Variants in AGTPBP1 observed in about 807,000 individuals in gnomAD.
The protein encoded by AGTPBP1 is cytosolic carboxypeptidase 1.
AGTPBP1 carries 70 observed loss-of-function variants against 143.9 expected under a neutral mutation model. That is an observed-to-expected ratio of 0.49 (90% CI 0.40 to 0.59). The LOEUF is 0.59. AGTPBP1 is among the 20% of genes least tolerant of loss of function. The pLI, the probability that AGTPBP1 is intolerant of heterozygous loss-of-function variation, is 0.00. For missense variants in AGTPBP1, 1,229 were observed against 1,464.5 expected (o/e 0.84, Z 2.62); for synonymous variants, 463 against 500.2 (o/e 0.93, Z 0.99).
chr9:85,724,828 C>A (rs180919259), intron 1 of AGTPBP1, among the ~76,000 whole-genome samples: 2 of 152,250 alleles, frequency 1.3e-5, no homozygotes, highest in Non-Finnish European at 2.9e-5. Context: ...AGAATGCCAG[C>A]ACATTGCAGG....
intron 9 of AGTPBP1, 53 bp from the exon 10 acceptor site, chr9:85,657,696 G>A (rs4531129): frequency 0.21 from 274,778 of 1,325,966 alleles, 32,685 homozygotes; most frequent in East Asian, 0.55. Context: ...GAGAGTGAGT[G>A]GTAGAATAAT....
intron 12 of AGTPBP1, among the ~76,000 whole-genome samples, chr9:85,643,511 C>A (rs1406864804): frequency 6.6e-6 from 1 of 152,070 alleles, no homozygotes; most frequent in Admixed American, 6.6e-5. Context: ...TCACACACTG[C>A]CCCAATACAG....
chr9:85,619,701 CTTAT>C (rs1830801424), intron 15 of AGTPBP1, among the ~76,000 whole-genome samples: 1 of 152,132 alleles, frequency 6.6e-6, no homozygotes. Flanking sequence ...TACCTATTAT[CTTAT>C]TTAATTAGCA....
Position 85,592,612 on chromosome 9 carries a change from T to C in AGTPBP1, c.2516A>G (p.Asp839Gly), listed in dbSNP as rs765727480. The change falls in exon 19 of 26, where the codon GAT becomes GGT. Residue 839 changes from aspartate (D) to glycine (G), a missense_variant. Transcript: ENST00000357081. ...ITFTVNFPHK[D>G]DVCYFAYHYP... ...GTGATAAGCAAAGTAGCAAACATCA[T>C]CTTTATGTGGAAAATTGACAGTAAA... 3.2e-5 allele frequency: 52 copies of C among 1,612,256 alleles called. No homozygotes were observed. Among genetic ancestry groups the C allele is most frequent in the Non-Finnish European group, 4.3e-5 (51 of 1,179,272 alleles).
chr9:85,671,038 C>G lies in AGTPBP1; in HGVS notation c.569-1460G>C. Among the ~76,000 whole-genome samples, 6 of 152,088 alleles carry G rather than the reference C, an allele frequency of 3.9e-5. 1 individual carries two copies. In the Middle Eastern group the frequency reaches 0.02, roughly 517 times the overall value. On this transcript the variant is annotated intron_variant, in intron 7 of 25. Coordinates refer to ENST00000357081, the MANE Select transcript of AGTPBP1 (RefSeq NM_001330701.2). Reference sequence around the variant, plus strand: ...CTCACTGCAGCCTTAACCTCCTGGGCTCAAGAAATCCTCCCACCTTAGCTT... The same window carrying G: ...CTCACTGCAGCCTTAACCTCCTGGGGTCAAGAAATCCTCCCACCTTAGCTT...
intron 25 of AGTPBP1, chr9:85,554,407 A>G (rs1446541612): frequency 6.6e-6 from 1 of 152,556 alleles, no homozygotes; most frequent in Non-Finnish European, 1.5e-5. Context: ...ACCAAAACAA[A>G]AAATAAACAA....
the AGTPBP1 span, among the ~76,000 whole-genome samples, chr9:85,760,977 G>C: frequency 6.6e-5 from 10 of 152,088 alleles, no homozygotes; most frequent in Non-Finnish European, 1.0e-4. Flanking sequence ...ACCAATAACA[G>C]ACAAACAGAG....
intron 1 of AGTPBP1, among the ~76,000 whole-genome samples, chr9:85,736,798 T>C (rs967797185): frequency 3.3e-5 from 5 of 152,176 alleles, no homozygotes; most frequent in Non-Finnish European, 5.9e-5. Flanking sequence ...AAAGTCACCA[T>C]CAACCACCAA....
chr9:85,694,786 C>T (rs1223121322), intron 2 of AGTPBP1, among the ~76,000 whole-genome samples: 2 of 152,188 alleles, frequency 1.3e-5, no homozygotes, highest in African/African-American at 4.8e-5. Context: ...TGTTCAATAG[C>T]AGCCTCAACC....
chr9:85,753,896 A>G, the AGTPBP1 span, among the ~76,000 whole-genome samples: 4 of 152,132 alleles, frequency 2.6e-5, no homozygotes, highest in African/African-American at 7.2e-5. Flanking sequence ...AAACTTTATT[A>G]TTTTTCTTTT....
chr9:85,681,678 T>C lies in AGTPBP1; in HGVS notation c.158-343A>G, dbSNP rs113359826. Among the ~76,000 whole-genome samples the C allele has an allele frequency of 7.2e-4, 109 of 151,882 alleles. 1 individual carries two copies. Among genetic ancestry groups the C allele is most frequent in the African/African-American group, 2.4e-3 (98 of 41,400 alleles). On this transcript the variant is annotated intron_variant, in intron 3 of 25. Transcript: ENST00000357081. ...CATCTTCATGAGTAGAACTAGAAAA[T>C]TGTTCATCAAAATGGGTGAAAACAA... is the stretch of plus-strand genomic sequence containing the variant.
chr9:85,661,718 T>A (rs1324412793), intron 8 of AGTPBP1, among the ~76,000 whole-genome samples: 1 of 152,130 alleles, frequency 6.6e-6, no homozygotes, highest in Non-Finnish European at 1.5e-5. Flanking sequence ...AATATCACCA[T>A]GGAAAACCTG....
chr9:85,589,894 C>T (rs1828849446), intron 19 of AGTPBP1, among the ~76,000 whole-genome samples: 1 of 152,020 alleles, frequency 6.6e-6, no homozygotes, highest in Admixed American at 6.6e-5. Flanking sequence ...TGCAGCACCA[C>T]CAATAGGGTC....
the AGTPBP1 span, among the ~76,000 whole-genome samples, chr9:85,763,194 A>C: frequency 2.0e-4 from 30 of 152,118 alleles, no homozygotes; most frequent in South Asian, 1.0e-3. Flanking sequence ...ACAAAAAAAA[A>C]CCCTCACATC....
At chr9:85,763,194 AC>A in the AGTPBP1 span, among the ~76,000 whole-genome samples, 1 of 152,000 alleles carries the variant, frequency 6.6e-6, no homozygotes, top group Non-Finnish European at 1.5e-5. Flanking sequence ...ACAAAAAAAA[AC>A]CCTCACATCA....
At chr9:85,685,826 C>T (rs10780736) in intron 3 of AGTPBP1, among the ~76,000 whole-genome samples, 48,960 of 151,858 alleles carry the variant, frequency 0.32, 9,455 homozygotes, top group East Asian at 0.56. Flanking sequence ...ATATGACAAT[C>T]ACAGCTGAAG....
chr9:85,646,199 T>C (rs1832796841), intron 12 of AGTPBP1, 122 bp downstream of exon 12: 4 of 656,548 alleles, frequency 6.1e-6, no homozygotes, highest in South Asian at 3.9e-5. Flanking sequence ...TAGTCATTCA[T>C]GGTAAAAAGA....
chr9:85,575,224 G>A, intron 25 of AGTPBP1, 91 bp downstream of exon 25: 1 of 906,964 alleles, frequency 1.1e-6, no homozygotes, highest in South Asian at 2.6e-5. Flanking sequence ...ACATGCTCTT[G>A]CCTGTCAAAA....
At chr9:85,733,687 A>C (rs1211596980) in intron 1 of AGTPBP1, among the ~76,000 whole-genome samples, 2 of 152,212 alleles carry the variant, frequency 1.3e-5, no homozygotes, top group Non-Finnish European at 2.9e-5. Context: ...GTGCTTTGAA[A>C]AGATTAACAA....
Sources: allele counts gnomAD v4.1 joint callset (sites outside exome capture counted in the v4.1 genomes callset), GRCh38; gene constraint gnomAD v4.1.1; transcripts MANE v1.5; gene names NCBI Gene and HGNC (gene_info 2026-07-23, HGNC 2026-07-21).